SLCO3A1: variants seen among roughly 807,000 people sequenced by gnomAD.
SLCO3A1 encodes solute carrier organic anion transporter family member 3A1.
A neutral mutation model predicts 63.1 loss-of-function variants in SLCO3A1; 27 were observed. The ratio of observed to expected loss-of-function variants is 0.43; its 90% CI spans 0.32 to 0.59. SLCO3A1 has a LOEUF of 0.59. SLCO3A1 is among the 20% of genes least tolerant of loss of function. The pLI is 0.09. For synonymous variants in SLCO3A1, 473 were observed against 409.9 expected, an observed-to-expected ratio of 1.15 and a Z score of -1.86; for missense variants, 773 against 945.8, an observed-to-expected ratio of 0.82 and a Z score of 2.40.
chr15:92,093,153 T>C (rs760004249), intron 2 of SLCO3A1, among the ~76,000 whole-genome samples: 4 of 152,230 alleles, frequency 2.6e-5, no homozygotes, highest in Non-Finnish European at 5.9e-5. Context: ...TATAAAGAAA[T>C]ACCTGAGGCT....
intron 2 of SLCO3A1, among the ~76,000 whole-genome samples, chr15:92,047,486 T>TATATATTA (rs2046891659): frequency 1.1e-4 from 2 of 18,994 alleles, no homozygotes; most frequent in African/African-American, 4.0e-4. Context: ...TATATAAATA[T>TATATATTA]ATATATAAAT....
At chr15:92,140,902 A>G (rs1057231579) in intron 7 of SLCO3A1, among the ~76,000 whole-genome samples, 8 of 152,158 alleles carry the variant, frequency 5.3e-5, no homozygotes, top group East Asian at 3.8e-4. Flanking sequence ...TCTCTTATCA[A>G]TGAGCATCCA....
At chr15:91,938,482 G>GTT (rs71156621) in intron 2 of SLCO3A1, among the ~76,000 whole-genome samples, 1,846 of 136,204 alleles carry the variant, frequency 0.014, 62 homozygotes, top group African/African-American at 0.047. Flanking sequence ...GGTTTTTTTT[G>GTT]TTTTTTTTTT....
intron 2 of SLCO3A1, among the ~76,000 whole-genome samples, chr15:91,963,418 G>GGGC (rs55687808): frequency 7.7e-6 from 1 of 130,582 alleles, no homozygotes; most frequent in Non-Finnish European, 1.6e-5. Flanking sequence ...TGGGGGGGGG[G>GGGC]GGCGGCAGCA....
At position 91,912,476 on chromosome 15, in the gene SLCO3A1, C is replaced by T. The variant is rs922212844; in HGVS notation, c.181-3517C>T. 6.6e-6 allele frequency among the ~76,000 whole-genome samples: 1 copy of T among 152,192 alleles called. No homozygotes were observed. The highest frequency in any genetic ancestry group is 2.4e-5 in the African/African-American group (1 of 41,440). ...GGAGCCAGGACAAGAGCTGCAGGCA[C>T]GGGCGTTATCTGTCTCTAAAAGAAC... On this transcript the variant is annotated intron_variant, in intron 1 of 9. Transcript: ENST00000318445. The surrounding 1 kb of genome is among the most constrained non-coding windows in gnomAD (Gnocchi z 5.0).
At chr15:92,136,109 C>A (rs2048053979) in intron 7 of SLCO3A1, among the ~76,000 whole-genome samples, 1 of 152,052 alleles carries the variant, frequency 6.6e-6, no homozygotes, top group African/African-American at 2.4e-5. Context: ...GACCTCATCT[C>A]TGAAAAAAGG....
intron 9 of SLCO3A1, among the ~76,000 whole-genome samples, chr15:92,155,873 CATT>C (rs2048364613): frequency 6.6e-6 from 1 of 152,136 alleles, no homozygotes; most frequent in African/African-American, 2.4e-5. Flanking sequence ...CTCAGGGTGT[CATT>C]AGGGATGAGC....
intron 9 of SLCO3A1, among the ~76,000 whole-genome samples, chr15:92,159,236 C>T (rs988378688): frequency 1.3e-5 from 2 of 152,138 alleles, no homozygotes; most frequent in African/African-American, 4.8e-5. Context: ...CCTGTAATCC[C>T]AGCACTTTGG....
At chr15:91,874,630 C>A (rs1897355068) in intron 1 of SLCO3A1, among the ~76,000 whole-genome samples, 2 of 152,176 alleles carry the variant, frequency 1.3e-5, no homozygotes, top group Admixed American at 1.3e-4. Flanking sequence ...TTTTGCTTAT[C>A]CAGTCGTCTG....
intron 2 of SLCO3A1, among the ~76,000 whole-genome samples, chr15:92,063,399 C>G (rs1361268268): frequency 1.3e-5 from 2 of 152,192 alleles, no homozygotes; most frequent in African/African-American, 4.8e-5. Flanking sequence ...AGCTCTGCCA[C>G]CTGTTAGCCA....
At chr15:91,876,621 CA>C (rs1266273744) in intron 1 of SLCO3A1, among the ~76,000 whole-genome samples, 5 of 152,210 alleles carry the variant, frequency 3.3e-5, no homozygotes, top group Admixed American at 6.5e-5. Flanking sequence ...TTTATCTGAG[CA>C]GGCCCCTCCT....
intron 2 of SLCO3A1, among the ~76,000 whole-genome samples, chr15:91,999,685 G>A (rs1231602172): frequency 2.0e-5 from 3 of 152,218 alleles, no homozygotes; most frequent in South Asian, 2.1e-4. Context: ...CCAGGTACTC[G>A]GGAGGCCGAG....
chr15:91,943,572 C>G, intron 2 of SLCO3A1, among the ~76,000 whole-genome samples: 1 of 152,122 alleles, frequency 6.6e-6, no homozygotes, highest in South Asian at 2.1e-4. Context: ...CTTTTGAGTT[C>G]CTGCTTTTAA....
intron 2 of SLCO3A1, among the ~76,000 whole-genome samples, chr15:92,051,968 G>A (rs187544526): frequency 2.8e-4 from 43 of 152,118 alleles, no homozygotes; most frequent in Non-Finnish European, 5.7e-4. Context: ...ATGACCTCAC[G>A]AGGCTGTGAC....
chr15:91,929,295 C>G (rs1390295828), intron 2 of SLCO3A1, among the ~76,000 whole-genome samples: 4 of 152,216 alleles, frequency 2.6e-5, no homozygotes, highest in Non-Finnish European at 5.9e-5. Context: ...TAGGTGAACT[C>G]TCTTCCAACT....
intron 4 of SLCO3A1, among the ~76,000 whole-genome samples, chr15:92,106,731 G>A (rs8025547): frequency 0.034 from 5,183 of 152,246 alleles, 272 homozygotes; most frequent in African/African-American, 0.12. Context: ...GTCAGCAAAG[G>A]CAGCCCAGTG....
At chr15:92,158,302 G>A (rs1011922893) in intron 9 of SLCO3A1, among the ~76,000 whole-genome samples, 8 of 152,104 alleles carry the variant, frequency 5.3e-5, no homozygotes, top group Non-Finnish European at 1.2e-4. Context: ...TAAATAAAAT[G>A]TTCTCTGTAT....
At chr15:92,004,342 G>A (rs1040538277) in intron 2 of SLCO3A1, among the ~76,000 whole-genome samples, 28 of 152,206 alleles carry the variant, frequency 1.8e-4, no homozygotes, top group Non-Finnish European at 3.4e-4. Context: ...CCGTCTCATG[G>A]AACTGTTAGG....
At chr15:92,089,382 G>A (rs1596090060) in intron 2 of SLCO3A1, among the ~76,000 whole-genome samples, 3 of 152,136 alleles carry the variant, frequency 2.0e-5, no homozygotes, top group African/African-American at 4.8e-5. Context: ...TGGAGGACTC[G>A]GTGCAGGGTG....
Sources: gnomAD v4.1 joint callset for allele counts (sites outside exome capture counted in the v4.1 genomes callset) on GRCh38, gnomAD v4.1.1 for gene constraint, Gnocchi (gnomAD v3.1) non-coding constraint, MANE v1.5 for transcripts, NCBI Gene and HGNC (gene_info 2026-07-23, HGNC 2026-07-21) for gene names.